The following PTPRN2 variants were observed in gnomAD, a reference collection of about 807,000 sequenced individuals.
The protein encoded by PTPRN2 is protein tyrosine phosphatase receptor type N2.
PTPRN2 carries 74 observed loss-of-function variants against 118.8 expected under a neutral mutation model. That is an observed-to-expected ratio of 0.62 (90% CI 0.52 to 0.76). PTPRN2 has a LOEUF of 0.76. Among genes scored for constraint, PTPRN2 ranks in the 30% least tolerant of loss-of-function variants. PTPRN2 has a pLI of 0.00. For missense variants in PTPRN2, 1,481 were observed against 1,394.4 expected (o/e 1.06, Z -0.99); for synonymous variants, 641 against 608.0 (o/e 1.05, Z -0.80).
At chr7:158,378,054 C>A (rs561563897) in intron 2 of PTPRN2, among the ~76,000 whole-genome samples, 2 of 152,184 alleles carry the variant, frequency 1.3e-5, no homozygotes, top group African/African-American at 4.8e-5. Context: ...AGGTGTGACA[C>A]GGCAGGTCCT....
chr7:158,265,401 CGGGCACACACCTGT>C (rs201755562), intron 3 of PTPRN2, among the ~76,000 whole-genome samples: 2,800 of 151,730 alleles, frequency 0.018, 39 homozygotes, highest in Middle Eastern at 0.034. Flanking sequence ...CACCCACCTG[CGGGCACACACCTGT>C]GGGCACACAC....
intron 14 of PTPRN2, among the ~76,000 whole-genome samples, chr7:157,642,213 G>A (rs570044508): frequency 1.7e-4 from 26 of 152,290 alleles, no homozygotes; most frequent in African/African-American, 6.0e-4. Context: ...AGCCTCTTAG[G>A]AGCCAGACTG....
intron 1 of PTPRN2, among the ~76,000 whole-genome samples, chr7:158,511,225 G>C (rs1178170726): frequency 1.3e-5 from 2 of 152,156 alleles, no homozygotes; most frequent in African/African-American, 4.8e-5. Flanking sequence ...AATGTCGAGA[G>C]GCAGCTGGAT....
chr7:157,981,608 CTTT>C (rs1337234093), intron 11 of PTPRN2, among the ~76,000 whole-genome samples: 1 of 114,272 alleles, frequency 8.8e-6, no homozygotes, highest in South Asian at 2.9e-4. Context: ...ATTCAGTTTA[CTTT>C]ATTTTAAAAA....
intron 12 of PTPRN2, among the ~76,000 whole-genome samples, chr7:157,798,041 C>T (rs1804984068): frequency 6.6e-6 from 1 of 152,112 alleles, no homozygotes; most frequent in Admixed American, 6.5e-5. Flanking sequence ...GGTGGATCAC[C>T]TGAGGTCAGG....
intron 19 of PTPRN2, among the ~76,000 whole-genome samples, chr7:157,572,440 A>G (rs1439240838): frequency 6.6e-6 from 1 of 152,260 alleles, no homozygotes. Flanking sequence ...TTGCCTATCC[A>G]GCACCAAAGA....
At chr7:158,496,297 C>T (rs1457472531) in intron 1 of PTPRN2, among the ~76,000 whole-genome samples, 10 of 121,148 alleles carry the variant, frequency 8.3e-5, no homozygotes, top group Non-Finnish European at 1.7e-4. Context: ...GCCCCCTCTC[C>T]CTTCCCTGCA....
At chr7:157,657,311 A>ACG (rs1795573409) in intron 13 of PTPRN2, among the ~76,000 whole-genome samples, 1 of 108,212 alleles carries the variant, frequency 9.2e-6, no homozygotes, top group Non-Finnish European at 1.9e-5. Flanking sequence ...ACACACACAC[A>ACG]CCACACACAT....
chr7:158,543,159 A>G (rs1563416645), intron 1 of PTPRN2, among the ~76,000 whole-genome samples: 1 of 152,234 alleles, frequency 6.6e-6, no homozygotes, highest in African/African-American at 2.4e-5. Context: ...TCGCTTTTCA[A>G]ACAACAAAAC....
At chr7:158,322,589 G>A (rs796126409) in intron 2 of PTPRN2, among the ~76,000 whole-genome samples, 17 of 147,686 alleles carry the variant, frequency 1.2e-4, no homozygotes, top group Non-Finnish European at 2.1e-4. Context: ...AGTGGGCAAC[G>A]GGGAGGGAGC....
At chr7:157,563,839 A>G (rs1187020797) in intron 21 of PTPRN2, among the ~76,000 whole-genome samples, 3 of 151,406 alleles carry the variant, frequency 2.0e-5, no homozygotes, top group Non-Finnish European at 4.4e-5. Context: ...CATGCCACAG[A>G]TCAAGACCAC....
rs1470394485 is a variant in PTPRN2, at chr7:158,188,240, C to G, written c.549+4087G>C. 9.6e-4 allele frequency among the ~76,000 whole-genome samples: 102 copies of G among 106,022 alleles called. 2 individuals are homozygous for G. The highest frequency in any genetic ancestry group is 2.0e-3 in the African/African-American group (54 of 27,392). 69.6% of individuals were successfully genotyped at this position (106,022 alleles called of 152,430 possible). On this transcript the variant is annotated intron_variant, in intron 5 of 22. Coordinates refer to ENST00000389418, the MANE Select transcript of PTPRN2 (RefSeq NM_002847.5). ...TGATGGGGAAGGCCGCCACGCTTGC[C>G]CCGCGATGGGGAAGGCCGCCACGCT...
At chr7:157,907,181 G>A (rs759658252) in intron 11 of PTPRN2, among the ~76,000 whole-genome samples, 9 of 152,330 alleles carry the variant, frequency 5.9e-5, no homozygotes, top group South Asian at 2.1e-4. Context: ...CCCCGTGACC[G>A]AGCAGTGTGG....
intron 11 of PTPRN2, among the ~76,000 whole-genome samples, chr7:157,992,506 C>T (rs928796655): frequency 1.3e-5 from 2 of 152,230 alleles, no homozygotes; most frequent in African/African-American, 2.4e-5. Flanking sequence ...CTGAAATCAG[C>T]GCCTTATGGT....
chr7:158,226,625 C>G (rs964078081), intron 3 of PTPRN2, among the ~76,000 whole-genome samples: 4 of 150,674 alleles, frequency 2.7e-5, no homozygotes, highest in African/African-American at 9.8e-5. Context: ...ATAGCAAGGA[C>G]AGAAACCAAG....
At chr7:158,255,165 C>T (rs1000904194) in intron 3 of PTPRN2, among the ~76,000 whole-genome samples, 2 of 152,204 alleles carry the variant, frequency 1.3e-5, no homozygotes, top group African/African-American at 2.4e-5. Flanking sequence ...AAGGGAGGTT[C>T]TTTGGCTAAA....
chr7:158,383,521 T>C (rs1408688126), intron 2 of PTPRN2, among the ~76,000 whole-genome samples: 1 of 152,232 alleles, frequency 6.6e-6, no homozygotes, highest in Non-Finnish European at 1.5e-5. Context: ...CAATTTTTTA[T>C]TAATTACATG....
chr7:157,725,328 TCCCAGGAGAA>T (rs1168756365), intron 12 of PTPRN2, among the ~76,000 whole-genome samples: 11 of 86,416 alleles, frequency 1.3e-4, no homozygotes, highest in Non-Finnish European at 1.3e-4. Flanking sequence ...GACCCTCGCC[TCCCAGGAGAA>T]CTGGATATCT....
rs111334037 is a variant in PTPRN2, at chr7:157,734,073, T to C, written c.1789-51136A>G. 6.4e-3 allele frequency among the ~76,000 whole-genome samples: 231 copies of C among 36,192 alleles called. 1 individual carries two copies. Among genetic ancestry groups the C allele is most frequent in the Middle Eastern group, 0.014 (1 of 74 alleles). 23.7% of individuals were successfully genotyped at this position (36,192 alleles called of 152,430 possible). On this transcript the variant is annotated intron_variant, in intron 12 of 22. Coordinates refer to ENST00000389418, the MANE Select transcript of PTPRN2 (RefSeq NM_002847.5). ...CGCCCAGCACAGTTACCCTTTTCCG[T>C]CCCATGCACCCAGCACAGTTACCCT...
Sources: gnomAD v4.1 joint callset for allele counts (sites outside exome capture counted in the v4.1 genomes callset) on GRCh38, gnomAD v4.1.1 for gene constraint, MANE v1.5 for transcripts, NCBI Gene and HGNC (gene_info 2026-07-23, HGNC 2026-07-21) for gene names.